MKNK2: variants seen among roughly 807,000 people sequenced by gnomAD.
MKNK2 encodes the protein MAPK interacting serine/threonine kinase 2, also known as MAP kinase-interacting serine/threonine-protein kinase 2.
Under a neutral mutation model 55.0 loss-of-function variants are expected in MKNK2, and 54 were observed. The observed-to-expected ratio is 0.98, with a 90% CI of 0.79 to 1.23. The LOEUF is 1.23. Among genes scored for constraint, MKNK2 ranks in the 50% most tolerant of loss-of-function variants. The pLI, the probability that MKNK2 is intolerant of heterozygous loss-of-function variation, is 0.00. For missense variants in MKNK2, 685 were observed against 632.1 expected, an observed-to-expected ratio of 1.08 and a Z score of -0.90; for synonymous variants, 323 against 256.0, an observed-to-expected ratio of 1.26 and a Z score of -2.50.
intron 5 of MKNK2, among the ~76,000 whole-genome samples, chr19:2,045,570 A>G (rs2016979203): frequency 2.0e-5 from 3 of 151,896 alleles, no homozygotes; most frequent in African/African-American, 7.3e-5. Context: ...GTCCACCAGG[A>G]CCCACAGGCT....
rs970040381 is a variant in MKNK2 at position 2,037,960 on chromosome 19, TC to T, written c.*1652del. ...TTCTTTGATACAAAAAGGCAGAGAA[TC>T]CCCCGTTACGAAACATGGAATCACT... On this transcript the variant is annotated 3_prime_UTR_variant, in exon 14 of 14. Transcript: ENST00000250896. The T allele has an allele frequency of 1.3e-4, 179 of 1,368,524 alleles. 1 individual carries two copies. The African/African-American group carries it at 2.3e-3, about 18-fold the overall frequency. 84.8% of individuals were successfully genotyped at this position (1,368,524 alleles called of 1,614,324 possible). A position where few individuals can be genotyped will look rare whatever the true frequency, so the allele number is the denominator to read the frequency against.
At chr19:2,040,089 C>A in intron 13 of MKNK2, 45 bp downstream of exon 13, 1 of 1,553,944 alleles carries the variant, frequency 6.4e-7, no homozygotes, top group East Asian at 2.3e-5. Context: ...CCTGGAAACC[C>A]CGCCCCCTGG....
chr19:2,044,920 A>G (rs530290489), intron 5 of MKNK2, among the ~76,000 whole-genome samples: 14 of 152,304 alleles, frequency 9.2e-5, no homozygotes, highest in Non-Finnish European at 1.6e-4. Flanking sequence ...TCCAGCCAGC[A>G]GCCTCACGGC....
chr19:2,042,240 C>T (rs2016903868), intron 10 of MKNK2, 187 bp downstream of exon 10: 4 of 730,100 alleles, frequency 5.5e-6, no homozygotes, highest in Non-Finnish European at 8.6e-6. Context: ...CCCACCCGGC[C>T]AAACACCGAC....
intron 1 of MKNK2, 36 bp from the exon 2 acceptor site, chr19:2,050,983 CGGAGCCCGGCCTGCCA>C (rs1176311991): frequency 1.9e-6 from 1 of 517,250 alleles, no homozygotes; most frequent in Non-Finnish European, 3.1e-6. Context: ...GGGCGGTGAG[CGGAGCCCGGCCTGCCA>C]GGAGCGCGGA....
chr19:2,038,935 G>C lies in MKNK2; in HGVS notation c.*678C>G. 1 of 985,902 alleles carries C rather than the reference G, an allele frequency of 1.0e-6. No individual in the cohort carries two copies. The highest frequency in any genetic ancestry group is 1.2e-6 in the Non-Finnish European group (1 of 830,016). 61.1% of individuals were successfully genotyped at this position (985,902 alleles called of 1,614,324 possible). A position where few individuals can be genotyped will look rare whatever the true frequency, so the allele number is the denominator to read the frequency against. On this transcript the variant is annotated 3_prime_UTR_variant, in exon 14 of 14. Coordinates refer to ENST00000250896, the MANE Select transcript of MKNK2 (RefSeq NM_199054.3). ...CCGAATCTGGCCACCAGGAGTCCTG[G>C]ACAGACAGACGGGCCTTGCAGGAAG...
Position 2,037,471 on chromosome 19 carries a change from G to C in MKNK2, c.*2142C>G, listed in dbSNP as rs1462962669. ...CAGAAAACTAAAACTCAGGCACACAGCAAGTTTTTTGACTTTTATTAAATC... is the reference window on the plus strand; with the variant it reads ...CAGAAAACTAAAACTCAGGCACACACCAAGTTTTTTGACTTTTATTAAATC... On this transcript the variant is annotated 3_prime_UTR_variant, in exon 14 of 14. Transcript: ENST00000250896. 3.7e-6 allele frequency: 1 copy of C among 273,884 alleles called. No homozygotes were observed. 17.0% of individuals were successfully genotyped at this position (273,884 alleles called of 1,614,324 possible).
chr19:2,039,262 G>C lies in MKNK2; in HGVS notation c.*351C>G. The stretch of plus-strand genomic sequence containing the variant: ...TCTCCTGAGTCACTGCAAGCCACGT[G>C]GGCAGATGGCGGGCAGCACAGGTGA... On this transcript the variant is annotated 3_prime_UTR_variant, in exon 14 of 14. Coordinates refer to ENST00000250896, the MANE Select transcript of MKNK2 (RefSeq NM_199054.3). 1 of 1,141,096 alleles carries C rather than the reference G, an allele frequency of 8.8e-7. No homozygotes were observed. The highest frequency in any genetic ancestry group is 1.1e-6 in the Non-Finnish European group (1 of 925,038). 70.7% of individuals were successfully genotyped at this position (1,141,096 alleles called of 1,614,324 possible).
Position 2,037,848 on chromosome 19 carries a change from A to AC in MKNK2, c.*1764_*1765insG, listed in dbSNP as rs749989137. The AC allele has an allele frequency of 0.025, 38,441 of 1,556,346 alleles. 128 individuals carry two copies. The highest frequency in any genetic ancestry group is 0.047 in the Middle Eastern group (255 of 5,452). ...GTCCCACCTTCAGAAAAAAAAAAAA[A>AC]AACAAACAAACAAACGCTGCTAGCC... On this transcript the variant is annotated 3_prime_UTR_variant, in exon 14 of 14. Coordinates refer to ENST00000250896, the MANE Select transcript of MKNK2 (RefSeq NM_199054.3).
Position 2,046,359 on chromosome 19 carries a change from C to T in MKNK2, c.241+8G>A. The T allele has an allele frequency of 6.2e-7, 1 of 1,606,796 alleles. No homozygotes were observed. Among genetic ancestry groups the T allele is most frequent in the South Asian group, 1.1e-5 (1 of 91,050 alleles). On this transcript the variant is annotated splice_region_variant and intron_variant, in intron 4 of 13. Transcript: ENST00000250896. ...CCGGCTCCCCCAATGCCCGCCATCC[C>T]CGCTCACCTTCAAACCTGCCCGAGA...
chr19:2,040,384 G>A (rs1428606083), intron 12 of MKNK2: 11 of 545,320 alleles, frequency 2.0e-5, no homozygotes, highest in African/African-American at 9.7e-5. Flanking sequence ...CAGGGAACCC[G>A]AGGCTGGGCC....
Position 2,038,459 on chromosome 19 carries a change from C to T in MKNK2, c.*1154G>A, listed in dbSNP as rs965197945. On this transcript the variant is annotated 3_prime_UTR_variant, in exon 14 of 14. Transcript: ENST00000250896. The stretch of plus-strand genomic sequence containing the variant: ...AGGGGGCAGCAGGCTCCGCAGCCCC[C>T]GGGGGTTGGAGCATGGAGGGTGGGG... 8.1e-6 allele frequency: 8 copies of T among 985,326 alleles called. No individual in the cohort carries two copies. Among genetic ancestry groups the T allele is most frequent in the African/African-American group, 3.5e-5 (2 of 57,166 alleles). 61.0% of individuals were successfully genotyped at this position (985,326 alleles called of 1,614,324 possible). A position where few individuals can be genotyped will look rare whatever the true frequency, so the allele number is the denominator to read the frequency against.
intron 13 of MKNK2, 135 bp downstream of exon 13, chr19:2,039,999 C>G: frequency 7.2e-7 from 1 of 1,386,636 alleles, no homozygotes; most frequent in Non-Finnish European, 1.0e-6. Flanking sequence ...AGGGCCCCAC[C>G]GGGAGCTTCA....
Position 2,042,637 on chromosome 19 carries a change from C to T in MKNK2, c.624G>A (p.Pro208=), listed in dbSNP as rs1189377268. The stretch of plus-strand genomic sequence containing the variant: ...TGGGGTGCTCACAGAGGATGTTTTC[C>T]GGCTTTAGGTCCCTGTGGGCGATGC... The part of the protein sequence containing the change: ...NKGIAHRDLK[P]ENILCEHPNQ... Residue 208 remains proline, a synonymous_variant, in exon 9 of 14, where the codon CCG becomes CCA. Transcript: ENST00000250896. The T allele has an allele frequency of 2.6e-6, 4 of 1,563,960 alleles. No individual in the cohort carries two copies. The highest frequency in any genetic ancestry group is 3.5e-6 in the Non-Finnish European group (4 of 1,153,698).
chr19:2,050,735 C>T, intron 2 of MKNK2, 66 bp downstream of exon 2: 2 of 1,442,396 alleles, frequency 1.4e-6, no homozygotes, highest in Non-Finnish European at 1.9e-6. Context: ...GCGGGCCCCG[C>T]GCCCCCCACG....
intron 11 of MKNK2, 90 bp downstream of exon 11, chr19:2,041,750 G>A (rs942031839): frequency 1.9e-5 from 21 of 1,120,336 alleles, no homozygotes; most frequent in South Asian, 1.8e-4. Context: ...TAGAGGGTGC[G>A]CAGGGCAGGT....
rs779450696 is a variant in MKNK2 at position 2,037,699 on chromosome 19, C to T, written c.*1914G>A. 2.6e-5 allele frequency: 36 copies of T among 1,394,302 alleles called. No individual in the cohort carries two copies. The highest frequency in any genetic ancestry group is 2.2e-4 in the Middle Eastern group (1 of 4,578). 86.4% of individuals were successfully genotyped at this position (1,394,302 alleles called of 1,614,324 possible). On this transcript the variant is annotated 3_prime_UTR_variant, in exon 14 of 14. Coordinates refer to ENST00000250896, the MANE Select transcript of MKNK2 (RefSeq NM_199054.3). ...CACATGGCCGTTCACCGTCCCCCAG[C>T]GATGGGAGCTGGCCTGGGGCCCAGG... is the stretch of plus-strand genomic sequence containing the variant.
chr19:2,038,749 C>A lies in MKNK2; in HGVS notation c.*864G>T. 1.0e-6 allele frequency: 1 copy of A among 985,548 alleles called. No homozygotes were observed. The highest frequency in any genetic ancestry group is 1.2e-6 in the Non-Finnish European group (1 of 829,924). The allele number at this position is 985,548 out of a possible 1,614,324, so 61.1% of individuals were successfully genotyped here. On this transcript the variant is annotated 3_prime_UTR_variant, in exon 14 of 14. Coordinates refer to ENST00000250896, the MANE Select transcript of MKNK2 (RefSeq NM_199054.3). ...GTGCCCCAAGGGGGTGTCTTCAGGA[C>A]CCCCCACATTGGCTGACAGTGCCTG...
Position 2,050,744 on chromosome 19 carries a change from C to A in MKNK2, c.51+57G>T, listed in dbSNP as rs917884711. The A allele has an allele frequency of 3.4e-6, 5 of 1,491,274 alleles. No individual in the cohort carries two copies. In the African/African-American group the frequency reaches 4.3e-5, roughly 13 times the overall value. The allele number at this position is 1,491,274 out of a possible 1,614,324, so 92.4% of individuals were successfully genotyped here. ...TTAGGGGCGGGCCCCGCGCCCCCCA[C>A]GCCGGCCATTCCGGTGGTCCAGCCC... On this transcript the variant is annotated intron_variant, in intron 2 of 13. Transcript: ENST00000250896.
Sources: gnomAD v4.1 joint callset for allele counts (sites outside exome capture counted in the v4.1 genomes callset) on GRCh38, gnomAD v4.1.1 for gene constraint, MANE v1.5 for transcripts, NCBI Gene and HGNC (gene_info 2026-07-23, HGNC 2026-07-21) for gene names.